Variants in DUOX1 observed in about 807,000 individuals in gnomAD.
The protein encoded by DUOX1 is dual oxidase 1.
Under a neutral mutation model 181.8 loss-of-function variants are expected in DUOX1, and 134 were observed. That is an observed-to-expected ratio of 0.74 (90% confidence interval 0.64 to 0.85). The LOEUF is 0.85. DUOX1 is among the 40% of genes least tolerant of loss of function. DUOX1 has a pLI of 0.00. For synonymous variants in DUOX1, 798 were observed against 832.5 expected (o/e 0.96, Z 0.71); for missense variants, 1,814 against 2,064.4 (o/e 0.88, Z 2.35).
chr15:45,141,957 C>G lies in DUOX1; in HGVS notation c.1685-18C>G. The G allele has an allele frequency of 6.2e-7, 1 of 1,602,334 alleles. No homozygotes were observed. Reference sequence around the variant, plus strand: ...TGTGGCCCAGCACCCAGGACGCTGGCTTCCTCTGCCTTCCCAGGAGACCCC... The same window carrying G: ...TGTGGCCCAGCACCCAGGACGCTGGGTTCCTCTGCCTTCCCAGGAGACCCC... On this transcript the variant is annotated intron_variant, in intron 14 of 33. Transcript: ENST00000389037.
intron 10 of DUOX1, chr15:45,138,668 TC>T (rs1377736209): frequency 5.6e-6 from 1 of 179,368 alleles, no homozygotes; most frequent in African/African-American, 2.4e-5. Flanking sequence ...GGACTCAGTG[TC>T]CCCCTCATCA....
intron 4 of DUOX1, among the ~76,000 whole-genome samples, 192 bp downstream of exon 4, chr15:45,134,501 T>C (rs1267645756): frequency 6.6e-6 from 1 of 152,038 alleles, no homozygotes; most frequent in Non-Finnish European, 1.5e-5. Flanking sequence ...TGAACTCTGG[T>C]TGGGGAGGCA....
chr15:45,163,981 C>G, intron 33 of DUOX1, 63 bp downstream of exon 33: 4 of 1,577,130 alleles, frequency 2.5e-6, no homozygotes, highest in Non-Finnish European at 2.6e-6. Context: ...GCAAAGCTCC[C>G]AAACCTTCCC....
chr15:45,135,024 G>T, intron 4 of DUOX1, 80 bp from the exon 5 acceptor site: 1 of 1,543,514 alleles, frequency 6.5e-7, no homozygotes, highest in East Asian at 2.3e-5. Context: ...CTTCAGGGGA[G>T]GGAAGGAAAC....
At position 45,164,842 on chromosome 15, in the gene DUOX1, T is replaced by A; in HGVS notation, c.4597T>A (p.Cys1533Ser). 1 of 1,614,120 alleles carries A rather than the reference T, an allele frequency of 6.2e-7. No individual in the cohort carries two copies. The highest frequency in any genetic ancestry group is 8.5e-7 in the Non-Finnish European group (1 of 1,179,976). ...PGMTKNVEKA[C>S]QLINRQDRTH... ...CATGACCAAGAATGTGGAAAAGGCC[T>A]GTCAGCTCATCAACAGGCAGGACCG... is the stretch of plus-strand genomic sequence containing the variant. Residue 1533 changes from cysteine (C) to serine (S), a missense_variant, in exon 34 of 34, where the codon TGT (cysteine) becomes AGT (serine). Transcript: ENST00000389037.
At chr15:45,155,621 A>G (rs927828381) in intron 27 of DUOX1, 181 bp from the exon 28 acceptor site, 2 of 777,780 alleles carry the variant, frequency 2.6e-6, no homozygotes, top group Non-Finnish European at 4.0e-6. Flanking sequence ...AAAGTGAACA[A>G]TGTCTGCTGA....
chr15:45,133,768 C>G, intron 2 of DUOX1, 96 bp from the exon 3 acceptor site: 2 of 1,059,742 alleles, frequency 1.9e-6, no homozygotes, highest in Non-Finnish European at 2.8e-6. Context: ...TTCTGCTGCT[C>G]CAAGTGCCAG....
At chr15:45,153,219 TAAAA>T (rs71114313) in intron 25 of DUOX1, 157 bp from the exon 26 acceptor site, 17,536 of 196,106 alleles carry the variant, frequency 0.089, 7 homozygotes, top group South Asian at 0.14. Context: ...AGACTCCATC[TAAAA>T]AAAAAAAAAA....
intron 28 of DUOX1, among the ~76,000 whole-genome samples, chr15:45,158,930 G>A (rs1436943592): frequency 6.6e-6 from 1 of 152,158 alleles, no homozygotes; most frequent in Non-Finnish European, 1.5e-5. Flanking sequence ...TAAGTTATAG[G>A]AGTTCACTGA....
chr15:45,139,332 C>CAAGT lies in DUOX1; in HGVS notation c.1217-94_1217-91dup, dbSNP rs779202442. ...ATGCTGACCATGGCTCCTTCTGGCT[C>CAAGT]AAGTCTCCTGGGGCTGGTTGGAGCT... On this transcript the variant is annotated intron_variant, in intron 11 of 33. Transcript: ENST00000389037. The CAAGT allele has an allele frequency of 3.8e-6, 6 of 1,588,678 alleles. No individual in the cohort carries two copies. In the Admixed American group the frequency reaches 5.3e-5, roughly 14 times the overall value.
At chr15:45,131,888 G>A in intron 1 of DUOX1, 30 bp from the exon 2 acceptor site, 4 of 1,453,888 alleles carry the variant, frequency 2.8e-6, no homozygotes, top group Non-Finnish European at 3.9e-6. Context: ...CTGAGTAGCT[G>A]GGGCTCATTC....
rs756662712 is a variant in DUOX1 at position 45,138,103 on chromosome 15, T to TGTGTGTGTGTGTGA, written c.1113+92_1113+93insTGTGTGTGTGAGTG. ...ATGTGTGTGTGTGTGTGTGTGTGTG[T>TGTGTGTGTGTGTGA]GTGAGTGCATGGTGAAAGTGGTCAG... is the stretch of plus-strand genomic sequence containing the variant. On this transcript the variant is annotated intron_variant, in intron 10 of 33. Transcript: ENST00000389037. The TGTGTGTGTGTGTGA allele has an allele frequency of 6.1e-5, 62 of 1,011,858 alleles. No individual in the cohort carries two copies. In the African/African-American group the frequency reaches 9.9e-4, roughly 16 times the overall value. 62.7% of individuals were successfully genotyped at this position (1,011,858 alleles called of 1,614,324 possible). A position where few individuals can be genotyped will look rare whatever the true frequency, so the allele number is the denominator to read the frequency against.
At chr15:45,154,431 A>C (rs550520949) in intron 27 of DUOX1, among the ~76,000 whole-genome samples, 1 of 152,254 alleles carries the variant, frequency 6.6e-6, no homozygotes, top group South Asian at 2.1e-4. Context: ...TATGCCTTGA[A>C]AGGAGCGTTT....
intron 14 of DUOX1, 113 bp from the exon 15 acceptor site, chr15:45,141,862 C>T: frequency 7.8e-7 from 1 of 1,277,508 alleles, no homozygotes; most frequent in Non-Finnish European, 1.1e-6. Context: ...GCCCCTTCCC[C>T]TCAGCTACCC....
At position 45,163,621 on chromosome 15, in the gene DUOX1, C is replaced by T. The variant is rs1897158613; in HGVS notation, c.4338C>T (p.Asp1446=). 1 of 1,614,118 alleles carries T rather than the reference C, an allele frequency of 6.2e-7. No individual in the cohort carries two copies. Among genetic ancestry groups the T allele is most frequent in the African/African-American group, 1.3e-5 (1 of 75,028 alleles). Residue 1446 remains aspartate (D), a synonymous_variant, in exon 32 of 34, where the codon GAC becomes GAT. Transcript: ENST00000389037. ...AGGTGGAGGAGAATGACCACCAGGACCTGGTGTCTGTGCACATCTACATCA... is the reference window on the plus strand; with the variant it reads ...AGGTGGAGGAGAATGACCACCAGGATCTGGTGTCTGTGCACATCTACATCA... ...IREVEENDHQ[D]LVSVHIYITQ...
chr15:45,147,789 G>C, intron 19 of DUOX1, 115 bp from the exon 20 acceptor site: 1 of 1,522,880 alleles, frequency 6.6e-7, no homozygotes, highest in Non-Finnish European at 9.1e-7. Context: ...GAAGCAGAGC[G>C]ACCCTTGCTG....
At chr15:45,164,028 C>A in intron 33 of DUOX1, 110 bp downstream of exon 33, 1 of 1,462,554 alleles carries the variant, frequency 6.8e-7, no homozygotes, top group Non-Finnish European at 9.3e-7. Context: ...GAGAACCCAT[C>A]CCCTGGGAGA....
intron 2 of DUOX1, 44 bp downstream of exon 2, chr15:45,132,068 C>T: frequency 6.6e-7 from 1 of 1,526,134 alleles, no homozygotes; most frequent in Non-Finnish European, 8.9e-7. Flanking sequence ...AGCAGAGGAA[C>T]CCAGCATCCT....
At chr15:45,136,745 C>A in intron 9 of DUOX1, 120 bp downstream of exon 9, 1 of 885,654 alleles carries the variant, frequency 1.1e-6, no homozygotes. Context: ...AAGGGAAAGA[C>A]CGATAGAGAG....
Sources: allele counts gnomAD v4.1 joint callset (sites outside exome capture counted in the v4.1 genomes callset), GRCh38; gene constraint gnomAD v4.1.1; transcripts MANE v1.5; gene names NCBI Gene and HGNC (gene_info 2026-07-23, HGNC 2026-07-21).